Variants in CDH16 observed in about 807,000 individuals in gnomAD.
CDH16 encodes cadherin-16.
A neutral mutation model predicts 87.6 loss-of-function variants in CDH16; 79 were observed. That is an observed-to-expected ratio of 0.90 (90% confidence interval 0.75 to 1.09). CDH16 has a LOEUF of 1.09. Ranked by LOEUF, CDH16 falls within the 50% of genes least tolerant of loss-of-function variation. CDH16 has a pLI of 0.00. For missense variants in CDH16, 1,124 were observed against 1,071.7 expected (o/e 1.05, Z -0.68); for synonymous variants, 457 against 439.5 (o/e 1.04, Z -0.50).
rs1170989586 is a variant in CDH16 at position 66,908,157 on chromosome 16, G to T, written c.*235C>A. On this transcript the variant is annotated 3_prime_UTR_variant, in exon 18 of 18. Transcript: ENST00000299752. ...ATAGGGCCCAGCCCAGTTCTCTGGG[G>T]CTTTATTATTGGGCAAACACCCTGA... 3.2e-5 allele frequency: 18 copies of T among 562,300 alleles called. No individual in the cohort carries two copies. The highest frequency in any genetic ancestry group is 2.2e-5 in the Non-Finnish European group (7 of 314,088). 34.8% of individuals were successfully genotyped at this position (562,300 alleles called of 1,614,324 possible).
At chr16:66,913,669 C>T (rs1962542473) in intron 7 of CDH16, 56 bp from the exon 8 acceptor site, 3 of 1,593,672 alleles carry the variant, frequency 1.9e-6, no homozygotes, top group East Asian at 4.5e-5. Flanking sequence ...GCCTTTGCGC[C>T]CCATCTGATT....
At position 66,914,214 on chromosome 16, in the gene CDH16, A is replaced by G; in HGVS notation, c.780+2T>C. ...TTCAGCCACTGACAGCCACTTACTC[A>G]CCTGGGCCATGTGGTGCGGGTATAG... On this transcript the variant is annotated splice_donor_variant, in intron 7 of 17. Transcript: ENST00000299752. LOFTEE classifies it high-confidence loss of function. 1 of 1,611,408 alleles carries G rather than the reference A, an allele frequency of 6.2e-7. No individual in the cohort carries two copies. Among genetic ancestry groups the G allele is most frequent in the South Asian group, 1.1e-5 (1 of 91,010 alleles).
At chr16:66,918,151 T>A in intron 1 of CDH16, 73 bp from the exon 2 acceptor site, 1 of 1,075,266 alleles carries the variant, frequency 9.3e-7, no homozygotes, top group Non-Finnish European at 1.3e-6. Flanking sequence ...ACACAACTAG[T>A]GGGATCGTAC....
rs1165433623 is a variant in CDH16 at position 66,911,942 on chromosome 16, G to C, written c.1747C>G (p.Leu583Val). 7.4e-6 allele frequency: 12 copies of C among 1,612,518 alleles called. No homozygotes were observed. The highest frequency in any genetic ancestry group is 1.0e-5 in the Non-Finnish European group (12 of 1,178,764). The change falls in exon 13 of 18, where the codon CTG becomes GTG. Residue 583 changes from leucine (L) to valine (V), a missense_variant. Coordinates refer to ENST00000299752, the MANE Select transcript of CDH16 (RefSeq NM_004062.4). ...GGGTCGGAGGGCTGGATGGTCAGCA[G>C]GAAAGAGCCGGCTGGGGCACTGATG... ...VPISAPAGSF[L>V]LTIQPSDPIS...
At chr16:66,910,587 T>G in intron 14 of CDH16, 85 bp from the exon 15 acceptor site, 1 of 1,359,090 alleles carries the variant, frequency 7.4e-7, no homozygotes, top group Non-Finnish European at 9.7e-7. Flanking sequence ...CCGCAGCCCA[T>G]GAGCCTCGCC....
At chr16:66,912,615 G>T in intron 10 of CDH16, 35 bp from the exon 11 acceptor site, 2 of 1,614,082 alleles carry the variant, frequency 1.2e-6, no homozygotes, top group African/African-American at 1.3e-5. Flanking sequence ...TGAGGTCAGG[G>T]TAGGAACAGA....
chr16:66,913,128 C>T lies in CDH16; in HGVS notation c.1054+3G>A, dbSNP rs1455328726. On this transcript the variant is annotated splice_donor_region_variant and intron_variant, in intron 9 of 17. Transcript: ENST00000299752. ...TTCGTCCCTCTCCCATCCTGTAGCT[C>T]ACCTGGTGGACTGAGCTCAGGGATG... 1 of 1,604,976 alleles carries T rather than the reference C, an allele frequency of 6.2e-7. No individual in the cohort carries two copies. The highest frequency in any genetic ancestry group is 8.5e-7 in the Non-Finnish European group (1 of 1,175,566).
chr16:66,913,283 T>A lies in CDH16; in HGVS notation c.904-2A>T, dbSNP rs779936050. The A allele has an allele frequency of 1.9e-6, 3 of 1,550,500 alleles. No homozygotes were observed. Among genetic ancestry groups the A allele is most frequent in the African/African-American group, 2.7e-5 (2 of 73,140 alleles). ...CTGAGCCCGCACCTGGAGCAGGTAC[T>A]GCGGTGGGCAGTAGGGGGCTTCAGG... On this transcript the variant is annotated splice_acceptor_variant, in intron 8 of 17. Coordinates refer to ENST00000299752, the MANE Select transcript of CDH16 (RefSeq NM_004062.4). LOFTEE classifies it high-confidence loss of function.
chr16:66,911,827 C>G, intron 13 of CDH16, 72 bp downstream of exon 13: 1 of 1,498,550 alleles, frequency 6.7e-7, no homozygotes, highest in Middle Eastern at 1.9e-4. Context: ...TGAGTCCCCT[C>G]TGAGGCCCTG....
In CDH16 at chr16:66,910,462, G is replaced by A; in HGVS notation, c.1965C>T (p.His655=). Residue 655 remains histidine, a synonymous_variant, in exon 15 of 18, where the codon CAC becomes CAT. Coordinates refer to ENST00000299752, the MANE Select transcript of CDH16 (RefSeq NM_004062.4). ...RLSASAPLVI[H]FLKAPPAPAL... is the part of the protein sequence containing the mutation. The stretch of plus-strand genomic sequence containing the variant: ...CTGGGGCAGGAGGGGCCTTTAGGAA[G>A]TGGATCACCAGGGGTGCAGAAGCGC... 6.4e-7 allele frequency: 1 copy of A among 1,568,256 alleles called. No homozygotes were observed.
In CDH16 at chr16:66,916,022, G is replaced by T; in HGVS notation, c.424+43C>A. 6.2e-7 allele frequency: 1 copy of T among 1,612,414 alleles called. No homozygotes were observed. Among genetic ancestry groups the T allele is most frequent in the East Asian group, 2.2e-5 (1 of 44,868 alleles). On this transcript the variant is annotated intron_variant, in intron 5 of 17. Transcript: ENST00000299752. This position sits in a 1 kb window ranked among gnomAD's most constrained non-coding sequence, Gnocchi z 4.1. ...CTTCGCTCTCTGCTGTTCCATCAAG[G>T]CCCACCTGACCTTACTGTAAATTGG...
At chr16:66,917,855 G>A (rs970685077) in intron 2 of CDH16, 130 bp from the exon 3 acceptor site, 17 of 981,884 alleles carry the variant, frequency 1.7e-5, no homozygotes, top group Non-Finnish European at 2.3e-5. Flanking sequence ...CCGCGCTCTG[G>A]TCTTTGACCT....
chr16:66,913,644 G>A (rs759547897), intron 7 of CDH16, 31 bp from the exon 8 acceptor site: 12 of 1,611,764 alleles, frequency 7.4e-6, no homozygotes, highest in African/African-American at 4.0e-5. Flanking sequence ...CAAGGGGCAG[G>A]AACAATCCAT....
intron 5 of CDH16, 55 bp from the exon 6 acceptor site, chr16:66,915,433 C>T (rs577452848): frequency 6.4e-7 from 1 of 1,553,598 alleles, no homozygotes; most frequent in Non-Finnish European, 8.8e-7. Context: ...GGGAGAGTCT[C>T]CCATGCCTCT....
chr16:66,916,069 C>T lies in CDH16; in HGVS notation c.420G>A (p.Arg140=), dbSNP rs894280262. 1 of 1,614,200 alleles carries T rather than the reference C, an allele frequency of 6.2e-7. No homozygotes were observed. Among genetic ancestry groups the T allele is most frequent in the Admixed American group, 1.7e-5 (1 of 60,034 alleles). The change falls in exon 5 of 18, where the codon AGG becomes AGA. Residue 140 remains arginine (R), a synonymous_variant. Transcript: ENST00000299752. The surrounding 1 kb of genome is among the most constrained non-coding windows in gnomAD (Gnocchi z 4.1). ...TTGGCTGCCCTGGTCACTCACCAGG[C>T]CTGGTACCCCGGCTCAGCCGAGCTC... ...IYRARLSRGT[R]PGIPFLFLEA... is the part of the protein sequence containing the mutation.
At chr16:66,911,753 C>T (rs1226483979) in intron 13 of CDH16, 146 bp downstream of exon 13, 2 of 1,036,576 alleles carry the variant, frequency 1.9e-6, no homozygotes, top group East Asian at 2.6e-5. Context: ...GCCCCGATCC[C>T]TGCCAGGAGT....
intron 17 of CDH16, 61 bp from the exon 18 acceptor site, chr16:66,908,550 G>T (rs1418572985): frequency 7.9e-7 from 1 of 1,268,362 alleles, no homozygotes; most frequent in Non-Finnish European, 1.2e-6. Flanking sequence ...TGTTCATCAC[G>T]AGGGACTTCC....
rs2145463673 is a variant in CDH16 at position 66,914,413 on chromosome 16, C to T, written c.584-1G>A. 2.5e-6 allele frequency: 4 copies of T among 1,610,780 alleles called. No individual in the cohort carries two copies. In the East Asian group the frequency reaches 8.9e-5, roughly 36 times the overall value. On this transcript the variant is annotated splice_acceptor_variant, in intron 6 of 17. Transcript: ENST00000299752. LOFTEE classifies it high-confidence loss of function. Reference sequence around the variant, plus strand: ...AGGGCGTGGTCAAGGCTGGTGCTCCCTAGAACAGGGAGGATGGTCAGCTGA... The same window carrying T: ...AGGGCGTGGTCAAGGCTGGTGCTCCTTAGAACAGGGAGGATGGTCAGCTGA...
rs1157935110 is a variant in CDH16 at position 66,912,341 on chromosome 16, G to A, written c.1449C>T (p.Phe483=). The stretch of plus-strand genomic sequence containing the variant: ...TCTCAATGGCAAAATCCATGAGGCG[G>A]AAGGCGGGCTCGAGGTCAGCATCAA... ...TAIDADLEPA[F]RLMDFAIERG... Residue 483 remains phenylalanine (F), a synonymous_variant, in exon 12 of 18, where the codon TTC becomes TTT. Transcript: ENST00000299752. 1 of 1,614,050 alleles carries A rather than the reference G, an allele frequency of 6.2e-7. No homozygotes were observed. Among genetic ancestry groups the A allele is most frequent in the East Asian group, 2.2e-5 (1 of 44,894 alleles).
Sources: gnomAD v4.1 joint callset for allele counts on GRCh38, gnomAD v4.1.1 for gene constraint, Gnocchi (gnomAD v3.1) non-coding constraint, MANE v1.5 for transcripts, NCBI Gene and HGNC (gene_info 2026-07-23, HGNC 2026-07-21) for gene names.